CDH15: variants seen among roughly 807,000 people sequenced by gnomAD.
CDH15 encodes the protein cadherin 15.
In CDH15, 73 loss-of-function variants were observed where a neutral mutation model predicts 69.4. The ratio of observed to expected loss-of-function variants is 1.05; its 90% CI spans 0.87 to 1.28. The LOEUF (loss-of-function observed/expected upper bound fraction) is 1.28, where lower values mean the gene tolerates loss of function less well. Among genes scored for constraint, CDH15 ranks in the 50% most tolerant of loss-of-function variants. The probability of loss-of-function intolerance (pLI) is 0.00; values close to 1 mark genes in which losing one functional copy is unlikely to be tolerated. For missense variants in CDH15, 1,343 were observed against 1,133.6 expected (o/e 1.18, Z -2.65); for synonymous variants, 624 against 507.7 (o/e 1.23, Z -3.08).
At chr16:89,177,831 A>G (rs1381867609) in intron 1 of CDH15, among the ~76,000 whole-genome samples, 34 of 152,036 alleles carry the variant, frequency 2.2e-4, no homozygotes, top group Non-Finnish European at 2.9e-5. Context: ...GCTGTGCTTT[A>G]GGGTCAGGGG....
chr16:89,179,756 C>T lies in CDH15; in HGVS notation c.201+182C>T, dbSNP rs529418375. Among the ~76,000 whole-genome samples, 11 of 152,358 alleles carry T rather than the reference C, an allele frequency of 7.2e-5. No individual in the cohort carries two copies. The South Asian group carries it at 1.9e-3, about 26-fold the overall frequency. ...ACCTGGGTCTAGAGCAGGGCTCAAACCCTCCCCATTGCCCCAGGCCACAGG... is the reference window on the plus strand; with the variant it reads ...ACCTGGGTCTAGAGCAGGGCTCAAATCCTCCCCATTGCCCCAGGCCACAGG... On this transcript the variant is annotated intron_variant, in intron 2 of 13. Transcript: ENST00000289746.
chr16:89,192,074 C>A, intron 10 of CDH15, 131 bp from the exon 11 acceptor site: 1 of 1,297,596 alleles, frequency 7.7e-7, no homozygotes, highest in Non-Finnish European at 1.0e-6. Flanking sequence ...TCATTGTGCC[C>A]AGAGGACGGT....
At position 89,192,246 on chromosome 16, in the gene CDH15, G is replaced by A. The variant is rs1350040411; in HGVS notation, c.1657G>A (p.Gly553Ser). The change falls in exon 11 of 14, where the codon GGC becomes AGC. Residue 553 changes from glycine to serine, a missense_variant. By Grantham distance (56) the Gly-to-Ser change is moderately conservative. Coordinates refer to ENST00000289746, the MANE Select transcript of CDH15 (RefSeq NM_004933.3). ...RLRPRHQVPE[G>S]LHRLSLLLRD... ...GCGGCCGCGACACCAGGTCCCCGAAGGCCTGCACCGCCTCAGCCTGCTGCT... is the reference window on the plus strand; with the variant it reads ...GCGGCCGCGACACCAGGTCCCCGAAAGCCTGCACCGCCTCAGCCTGCTGCT... 1.3e-5 allele frequency: 20 copies of A among 1,530,398 alleles called. No homozygotes were observed. Among genetic ancestry groups the A allele is most frequent in the African/African-American group, 2.8e-5 (2 of 72,520 alleles). The allele number at this position is 1,530,398 out of a possible 1,614,324, so 94.8% of individuals were successfully genotyped here.
In CDH15 at chr16:89,177,583, G is replaced by A. The variant is rs925447698; in HGVS notation, c.43-1833G>A. Among the ~76,000 whole-genome samples, 7 of 152,088 alleles carry A rather than the reference G, an allele frequency of 4.6e-5. No homozygotes were observed. The South Asian group carries it at 1.5e-3, about 32-fold the overall frequency. On this transcript the variant is annotated intron_variant, in intron 1 of 13. Transcript: ENST00000289746. Reference sequence around the variant, plus strand: ...GCCCGGGGCACAGGGGACGGGGAGAGGGCACAGGGGATGGGAGAGGGCAGC... The same window carrying A: ...GCCCGGGGCACAGGGGACGGGGAGAAGGCACAGGGGATGGGAGAGGGCAGC...
intron 8 of CDH15, 90 bp downstream of exon 8, chr16:89,190,586 A>T (rs1203455630): frequency 6.7e-7 from 1 of 1,489,418 alleles, no homozygotes; most frequent in Non-Finnish European, 9.1e-7. Flanking sequence ...TCTGAGGGTC[A>T]GAGGGTGTAG....
Position 89,193,855 on chromosome 16 carries a change from C to T in CDH15, c.2093C>T (p.Pro698Leu), listed in dbSNP as rs989813276. The change falls in exon 13 of 14, where the codon CCC (proline) becomes CTC (leucine). Residue 698 changes from proline to leucine, a missense_variant. Coordinates refer to ENST00000289746, the MANE Select transcript of CDH15 (RefSeq NM_004933.3). Reference sequence around the variant, plus strand: ...GATGCCCCGCAGGGCCGCCTGCACCCCCAGCCACCCCGAGTGCTGCCCACC... The same window carrying T: ...GATGCCCCGCAGGGCCGCCTGCACCTCCAGCCACCCCGAGTGCTGCCCACC... Reference protein sequence around the residue: ...RRDAPQGRLHPQPPRVLPTSP... With the variant: ...RRDAPQGRLHLQPPRVLPTSP... The T allele has an allele frequency of 2.5e-6, 4 of 1,611,798 alleles. No homozygotes were observed. The highest frequency in any genetic ancestry group is 2.2e-5 in the South Asian group (2 of 91,056).
Position 89,195,096 on chromosome 16 carries a change from G to T in CDH15, c.2386G>T (p.Ala796Ser). ...LEYGARWDHQ[A>S]REGLSPGALL... ...GTACGGGGCCAGATGGGACCACCAG[G>T]CCAGGGAGGGTCTTTCTCCTGGGGC... The change falls in exon 14 of 14, where the codon GCC becomes TCC. Residue 796 changes from alanine to serine, a missense_variant. Physicochemically the swap from Ala to Ser is moderately conservative, Grantham distance 99. Transcript: ENST00000289746. The T allele has an allele frequency of 6.2e-7, 1 of 1,610,086 alleles. No individual in the cohort carries two copies. Among genetic ancestry groups the T allele is most frequent in the African/African-American group, 1.3e-5 (1 of 75,018 alleles).
intron 4 of CDH15, among the ~76,000 whole-genome samples, chr16:89,184,543 T>A (rs9635533): frequency 0.24 from 36,386 of 152,172 alleles, 4,446 homozygotes; most frequent in East Asian, 0.32. Flanking sequence ...GCCTACACAG[T>A]CACAGTGCGC....
Position 89,188,086 on chromosome 16 carries a change from G to A in CDH15, c.793-14G>A. 6.2e-7 allele frequency: 1 copy of A among 1,604,184 alleles called. No individual in the cohort carries two copies. ...CAGCCCTGCTGGTAACTGGGGCTGG[G>A]ATCCCCCACCCAGTTCTTCATGGAG... is the stretch of plus-strand genomic sequence containing the variant. On this transcript the variant is annotated splice_polypyrimidine_tract_variant and intron_variant, in intron 6 of 13. Coordinates refer to ENST00000289746, the MANE Select transcript of CDH15 (RefSeq NM_004933.3).
rs1006580090 is a variant in CDH15 at position 89,185,309 on chromosome 16, A to C, written c.639A>C (p.Thr213=). Residue 213 remains threonine, a synonymous_variant, in exon 5 of 14, where the codon ACA becomes ACC. Transcript: ENST00000289746. ...SIDELTGEIR[T]VQVGLDREVV... Reference sequence around the variant, plus strand: ...ACGAGCTCACAGGAGAGATCCGCACAGTGCAAGTGGGGCTGGACCGCGAGG... The same window carrying C: ...ACGAGCTCACAGGAGAGATCCGCACCGTGCAAGTGGGGCTGGACCGCGAGG... 2 of 1,605,272 alleles carry C rather than the reference A, an allele frequency of 1.2e-6. No individual in the cohort carries two copies. Among genetic ancestry groups the C allele is most frequent in the East Asian group, 2.2e-5 (1 of 44,634 alleles).
At chr16:89,187,614 T>C (rs370522914) in intron 6 of CDH15, 57 bp downstream of exon 6, 9 of 1,607,280 alleles carry the variant, frequency 5.6e-6, no homozygotes, top group East Asian at 2.2e-5. Context: ...CCTTCCCTTC[T>C]TGGGCTCCTG....
chr16:89,191,512 T>C, intron 9 of CDH15, 40 bp downstream of exon 9: 2 of 1,607,342 alleles, frequency 1.2e-6, no homozygotes, highest in African/African-American at 2.7e-5. Context: ...TGACCTGGCC[T>C]TGTCCCGGCT....
intron 5 of CDH15, 188 bp downstream of exon 5, chr16:89,185,521 C>T: frequency 1.4e-6 from 1 of 736,534 alleles, no homozygotes; most frequent in South Asian, 1.6e-5. Flanking sequence ...AGGAGCCGCG[C>T]TGGCCCGGGT....
intron 3 of CDH15, among the ~76,000 whole-genome samples, chr16:89,180,769 G>C (rs369552960): frequency 1.3e-5 from 2 of 152,118 alleles, no homozygotes; most frequent in Non-Finnish European, 2.9e-5. Flanking sequence ...TGTCGCCCAG[G>C]CTGGAGTGCA....
rs577116731 is a variant in CDH15, at chr16:89,172,956, C to T, written c.42+1083C>T. Among the ~76,000 whole-genome samples the T allele has an allele frequency of 5.3e-5, 8 of 152,280 alleles. No individual in the cohort carries two copies. The South Asian group carries it at 1.4e-3, about 28-fold the overall frequency. ...TAAGGGAAGCCACTCCTTTCCCAGC[C>T]CCCACTGAAGGGGCTTCCTGAGTCC... On this transcript the variant is annotated intron_variant, in intron 1 of 13. Coordinates refer to ENST00000289746, the MANE Select transcript of CDH15 (RefSeq NM_004933.3).
At chr16:89,191,094 GTA>G (rs1915629014) in intron 8 of CDH15, among the ~76,000 whole-genome samples, 1 of 151,908 alleles carries the variant, frequency 6.6e-6, no homozygotes, top group Non-Finnish European at 1.5e-5. Flanking sequence ...GTGTCTATGT[GTA>G]TATATGTGCA....
rs1320062323 is a variant in CDH15 at position 89,193,888 on chromosome 16, T to C, written c.2126T>C (p.Leu709Pro). ...CCCCGAGTGCTGCCCACCAGCCCCCTGGACATCGCCGACTTCATCAATGAT... is the reference window on the plus strand; with the variant it reads ...CCCCGAGTGCTGCCCACCAGCCCCCCGGACATCGCCGACTTCATCAATGAT... ...QPPRVLPTSPLDIADFINDGL... is the reference protein window; with the variant it reads ...QPPRVLPTSPPDIADFINDGL... The change falls in exon 13 of 14, where the codon CTG becomes CCG. Residue 709 changes from leucine to proline, a missense_variant. By Grantham distance (98) the Leu-to-Pro change is moderately conservative. Coordinates refer to ENST00000289746, the MANE Select transcript of CDH15 (RefSeq NM_004933.3). 1 of 1,612,030 alleles carries C rather than the reference T, an allele frequency of 6.2e-7. No homozygotes were observed.
At chr16:89,194,781 C>G in intron 13 of CDH15, 81 bp from the exon 14 acceptor site, 1 of 1,430,362 alleles carries the variant, frequency 7.0e-7, no homozygotes, top group African/African-American at 1.4e-5. Flanking sequence ...CTTGAGCTGA[C>G]TTTGCCCTGG....
rs145156521 is a variant in CDH15 at position 89,190,354 on chromosome 16, G to A, written c.1090G>A (p.Val364Met). ...TGAGCGGGGCCAGGCCAAGGTCCGCGTGCATGTGCAGGACACCAACGAGCC... is the reference window on the plus strand; with the variant it reads ...TGAGCGGGGCCAGGCCAAGGTCCGCATGCATGTGCAGGACACCAACGAGCC... Reference protein sequence around the residue: ...RAERGQAKVRVHVQDTNEPPV... With the variant: ...RAERGQAKVRMHVQDTNEPPV... The change falls in exon 8 of 14, where the codon GTG becomes ATG. Residue 364 changes from valine to methionine, a missense_variant. By Grantham distance (21) the Val-to-Met change is conservative (BLOSUM62 1). Coordinates refer to ENST00000289746, the MANE Select transcript of CDH15 (RefSeq NM_004933.3). 25 of 1,612,784 alleles carry A rather than the reference G, an allele frequency of 1.6e-5. No individual in the cohort carries two copies. In the African/African-American group the frequency reaches 2.7e-4, roughly 17 times the overall value.
Sources: allele counts gnomAD v4.1 joint callset (sites outside exome capture counted in the v4.1 genomes callset), GRCh38; gene constraint gnomAD v4.1.1; transcripts MANE v1.5; gene names NCBI Gene and HGNC (gene_info 2026-07-23, HGNC 2026-07-21).